Variants in CHLSN observed in about 807,000 individuals in gnomAD.
CHLSN encodes the protein protein cholesin.
chr7:1,127,321 G>T, the CHLSN span: 2 of 1,610,750 alleles, frequency 1.2e-6, no homozygotes, highest in Non-Finnish European at 1.7e-6. Context: ...CTCTGCTGAC[G>T]CCTTCTTCAG....
At chr7:1,112,782 G>A in the CHLSN span, among the ~76,000 whole-genome samples, 1 of 151,862 alleles carries the variant, frequency 6.6e-6, no homozygotes, top group African/African-American at 2.4e-5. Flanking sequence ...AGCTGTGCTT[G>A]CAGTGCGAAC....
At chr7:1,006,496 C>T in the CHLSN span, among the ~76,000 whole-genome samples, 2 of 146,960 alleles carry the variant, frequency 1.4e-5, no homozygotes, top group Non-Finnish European at 3.0e-5. Context: ...GGCCACAGCG[C>T]AGGGAAAGAG....
the CHLSN span, among the ~76,000 whole-genome samples, chr7:1,040,693 A>C: frequency 1.9e-4 from 22 of 114,208 alleles, no homozygotes; most frequent in African/African-American, 4.8e-4. Context: ...AAAAGAACAA[A>C]AAAAAAAAAA....
At chr7:984,014 G>A in the CHLSN span, among the ~76,000 whole-genome samples, 2 of 152,204 alleles carry the variant, frequency 1.3e-5, no homozygotes, top group Non-Finnish European at 2.9e-5. Context: ...TGGCCGGGCT[G>A]TAGCCGAAGA....
At chr7:1,135,958 AAT>A in the CHLSN span, among the ~76,000 whole-genome samples, 2,069 of 114,852 alleles carry the variant, frequency 0.018, 66 homozygotes, top group African/African-American at 0.074. Flanking sequence ...AATATATATA[AAT>A]ATATATAAGT....
At chr7:1,092,699 A>G in the CHLSN span, 1 of 1,612,970 alleles carries the variant, frequency 6.2e-7, no homozygotes, top group Non-Finnish European at 8.5e-7. Flanking sequence ...CCCCTCATCT[A>G]CAGCTTTCTC....
chr7:1,075,819 C>G, the CHLSN span: 2 of 151,808 alleles, frequency 1.3e-5, no homozygotes, highest in Non-Finnish European at 2.9e-5. Flanking sequence ...TCACCGTGGT[C>G]TCGATCTCCT....
At chr7:992,494 A>C in the CHLSN span, among the ~76,000 whole-genome samples, 1 of 152,182 alleles carries the variant, frequency 6.6e-6, no homozygotes, top group Non-Finnish European at 1.5e-5. Flanking sequence ...AATGGAACCC[A>C]AGTGACCCAA....
chr7:1,034,314 A>C, the CHLSN span, among the ~76,000 whole-genome samples: 1 of 152,254 alleles, frequency 6.6e-6, no homozygotes, highest in East Asian at 1.9e-4. Context: ...AATGGACAGA[A>C]CAGACAGCAG....
chr7:1,058,285 C>A, the CHLSN span: 2 of 773,460 alleles, frequency 2.6e-6, no homozygotes, highest in East Asian at 2.4e-5. Flanking sequence ...CTGGGGCACA[C>A]GGTCATCATC....
the CHLSN span, among the ~76,000 whole-genome samples, chr7:1,120,482 G>A: frequency 2.0e-5 from 3 of 152,114 alleles, no homozygotes; most frequent in African/African-American, 7.2e-5. Flanking sequence ...TATACAGACA[G>A]GGTTTCACCA....
the CHLSN span, among the ~76,000 whole-genome samples, chr7:1,118,109 G>C: frequency 3.3e-5 from 5 of 152,160 alleles, no homozygotes; most frequent in Admixed American, 2.6e-4. Flanking sequence ...ACAGCACAAC[G>C]CTTACCCAGC....
the CHLSN span, chr7:988,488 G>A: frequency 1.7e-5 from 28 of 1,601,190 alleles, no homozygotes; most frequent in African/African-American, 2.7e-4. Flanking sequence ...CCCCAGCTCC[G>A]CCTGCCGCCT....
At chr7:1,109,766 C>T in the CHLSN span, among the ~76,000 whole-genome samples, 1 of 152,104 alleles carries the variant, frequency 6.6e-6, no homozygotes, top group African/African-American at 2.4e-5. Flanking sequence ...TCCCGCCCGC[C>T]GGGCCCTGGG....
the CHLSN span, among the ~76,000 whole-genome samples, chr7:1,096,979 G>C: frequency 6.6e-6 from 1 of 152,210 alleles, no homozygotes; most frequent in Non-Finnish European, 1.5e-5. This position sits in a 1 kb window ranked among gnomAD's most constrained non-coding sequence, Gnocchi z 4.6. Context: ...CCGTGAACTG[G>C]GCACATGAGG....
the CHLSN span, among the ~76,000 whole-genome samples, chr7:1,110,552 G>A: frequency 2.0e-5 from 3 of 152,226 alleles, no homozygotes; most frequent in South Asian, 4.1e-4. Flanking sequence ...GGGGCAGAGC[G>A]GGAGCGGGTG....
the CHLSN span, among the ~76,000 whole-genome samples, chr7:1,090,511 C>T: frequency 2.0e-5 from 3 of 151,936 alleles, no homozygotes; most frequent in South Asian, 2.1e-4. Context: ...GCGGCAGAGC[C>T]GGGGTGACAC....
chr7:994,028 C>T, the CHLSN span, among the ~76,000 whole-genome samples: 3 of 152,208 alleles, frequency 2.0e-5, no homozygotes, highest in Admixed American at 6.5e-5. Flanking sequence ...CGTGTTCGCA[C>T]CCCCAATGTC....
the CHLSN span, among the ~76,000 whole-genome samples, chr7:1,009,159 G>C: frequency 6.6e-6 from 1 of 152,166 alleles, no homozygotes; most frequent in Admixed American, 6.5e-5. Context: ...ATCTCTCCGA[G>C]GGCCTCCCAC....
Sources: gnomAD v4.1 joint callset for allele counts (sites outside exome capture counted in the v4.1 genomes callset) on GRCh38, gnomAD v4.1.1 for gene constraint, Gnocchi (gnomAD v3.1) non-coding constraint, MANE v1.5 for transcripts, NCBI Gene and HGNC (gene_info 2026-07-23, HGNC 2026-07-21) for gene names.